The following KIAA0319L variants were observed in gnomAD, a reference collection of about 807,000 sequenced individuals.
KIAA0319L encodes KIAA0319 like, also known as dyslexia-associated protein KIAA0319-like protein.
KIAA0319L carries 55 observed loss-of-function variants against 120.1 expected under a neutral mutation model. That is an observed-to-expected ratio of 0.46 (90% CI 0.37 to 0.57). The LOEUF (loss-of-function observed/expected upper bound fraction) is 0.57. KIAA0319L is among the 20% of genes least tolerant of loss of function. KIAA0319L has a pLI of 0.00. For missense variants in KIAA0319L, 1,049 were observed against 1,255.3 expected, an observed-to-expected ratio of 0.84 and a Z score of 2.48; for synonymous variants, 398 against 471.9, an observed-to-expected ratio of 0.84 and a Z score of 2.03.
intron 2 of KIAA0319L, among the ~76,000 whole-genome samples, chr1:35,544,368 C>CA (rs748228266): frequency 0.058 from 3,036 of 52,520 alleles, 141 homozygotes; most frequent in African/African-American, 0.15. Flanking sequence ...GACTCAATCT[C>CA]AAAAAAAAAA....
chr1:35,510,207 CCTA>C (rs1414793324), intron 2 of KIAA0319L: 1 of 152,154 alleles, frequency 6.6e-6, no homozygotes, highest in East Asian at 1.9e-4. Context: ...AGCAGACTAT[CCTA>C]CTATCACCCC....
intron 3 of KIAA0319L, among the ~76,000 whole-genome samples, chr1:35,500,284 A>G (rs557123623): frequency 6.6e-6 from 1 of 152,354 alleles, no homozygotes; most frequent in East Asian, 1.9e-4. Flanking sequence ...CTTATAATGT[A>G]CACAATTAAT....
intron 6 of KIAA0319L, among the ~76,000 whole-genome samples, chr1:35,470,511 A>G (rs533965266): frequency 0.03 from 4,574 of 150,968 alleles, 106 homozygotes; most frequent in Non-Finnish European, 0.047. Context: ...AAAAAAAAAA[A>G]AAAGAAAAAA....
intron 6 of KIAA0319L, among the ~76,000 whole-genome samples, chr1:35,468,143 GTTTT>G (rs754901877): frequency 6.8e-6 from 1 of 147,424 alleles, no homozygotes; most frequent in Admixed American, 6.8e-5. Flanking sequence ...CCAGGCAAAT[GTTTT>G]TTTTTTTCTT....
At chr1:35,544,992 C>A (rs1646928599) in intron 2 of KIAA0319L, among the ~76,000 whole-genome samples, 1 of 152,108 alleles carries the variant, frequency 6.6e-6, no homozygotes, top group South Asian at 2.1e-4. Context: ...ATGGGTCTCA[C>A]TGAGCCCAGG....
At chr1:35,503,784 T>G (rs1189216425) in intron 3 of KIAA0319L, among the ~76,000 whole-genome samples, 1 of 152,084 alleles carries the variant, frequency 6.6e-6, no homozygotes, top group Non-Finnish European at 1.5e-5. Context: ...CAAGACCAAC[T>G]ACTCCTCTTC....
At chr1:35,555,975 C>T (rs576369008) in intron 1 of KIAA0319L, among the ~76,000 whole-genome samples, 1 of 152,312 alleles carries the variant, frequency 6.6e-6, no homozygotes, top group East Asian at 1.9e-4. Flanking sequence ...CCAGTCATTC[C>T]TCTGAAACCT....
intron 3 of KIAA0319L, among the ~76,000 whole-genome samples, chr1:35,492,253 C>T (rs1203131): frequency 0.23 from 35,003 of 151,992 alleles, 8,590 homozygotes; most frequent in African/African-American, 0.58. Flanking sequence ...CGGAGGCTCA[C>T]GTCTGTAATC....
intron 2 of KIAA0319L, among the ~76,000 whole-genome samples, chr1:35,528,469 T>A (rs1646237954): frequency 6.6e-6 from 1 of 152,230 alleles, no homozygotes; most frequent in African/African-American, 2.4e-5. Context: ...TTTTATTCAA[T>A]TGTGGTCTGA....
intron 2 of KIAA0319L, among the ~76,000 whole-genome samples, chr1:35,546,135 A>C (rs745614587): frequency 7.2e-5 from 11 of 152,136 alleles, no homozygotes; most frequent in African/African-American, 1.4e-4. Context: ...CACAGGTTAC[A>C]AGTGAGGAAT....
chr1:35,483,097 C>CTA (rs1177186171), intron 3 of KIAA0319L, among the ~76,000 whole-genome samples: 1 of 152,128 alleles, frequency 6.6e-6, no homozygotes, highest in Admixed American at 6.5e-5. Flanking sequence ...AAATGGGTTA[C>CTA]TAGTTTTCTA....
intron 3 of KIAA0319L, among the ~76,000 whole-genome samples, chr1:35,494,263 A>C (rs1412912327): frequency 1.3e-5 from 2 of 152,008 alleles, no homozygotes; most frequent in Admixed American, 1.3e-4. Flanking sequence ...CCTGGCCAAC[A>C]TAATGAAACC....
At chr1:35,462,572 G>A in intron 8 of KIAA0319L, 49 bp downstream of exon 8, 1 of 1,433,382 alleles carries the variant, frequency 7.0e-7, no homozygotes, top group East Asian at 2.3e-5. Flanking sequence ...TTCTATCAGA[G>A]TACACGGTGA....
chr1:35,456,840 GA>G, intron 9 of KIAA0319L, among the ~76,000 whole-genome samples: 1 of 139,468 alleles, frequency 7.2e-6, no homozygotes, highest in African/African-American at 2.6e-5. Context: ...AGGAAGGAAG[GA>G]AGGAGAGATG....
intron 8 of KIAA0319L, among the ~76,000 whole-genome samples, chr1:35,461,751 A>T (rs147207914): frequency 1.1e-3 from 175 of 152,254 alleles, no homozygotes; most frequent in African/African-American, 3.1e-3. Context: ...AAACAGTACA[A>T]CGTGAGCCCT....
In KIAA0319L at chr1:35,471,317, CATTTTCTTGCA is replaced by C. The variant is rs371305047; in HGVS notation, c.1016-368_1016-358del. 1.3e-3 allele frequency among the ~76,000 whole-genome samples: 205 copies of C among 152,278 alleles called. 3 individuals are homozygous for C. In the South Asian group the frequency reaches 0.014, roughly 10 times the overall value. On this transcript the variant is annotated intron_variant, in intron 5 of 20. Coordinates refer to ENST00000325722, the MANE Select transcript of KIAA0319L (RefSeq NM_024874.5). ...AGATGAACTCATTGGGAACAAAGGCCATTTTCTTGCAAAACTTCTTTTGCAACAAAGAACAG... is the reference window on the plus strand; with the variant it reads ...AGATGAACTCATTGGGAACAAAGGCCAAACTTCTTTTGCAACAAAGAACAG...
chr1:35,435,682 C>G (rs1640730518), intron 20 of KIAA0319L: 3 of 152,242 alleles, frequency 2.0e-5, no homozygotes, highest in Admixed American at 2.0e-4. Flanking sequence ...AGAAGCAGTC[C>G]CAAGCAGCCA....
chr1:35,532,095 T>C (rs1199712018), intron 2 of KIAA0319L, among the ~76,000 whole-genome samples: 1 of 151,768 alleles, frequency 6.6e-6, no homozygotes, highest in Non-Finnish European at 1.5e-5. Context: ...ACCCCAACTC[T>C]AAAAAAATAC....
Position 35,441,055 on chromosome 1 carries a change from G to A in KIAA0319L, c.2954C>T (p.Ser985Phe), listed in dbSNP as rs1485023802. The change falls in exon 20 of 21, where the codon TCC (serine) becomes TTC (phenylalanine). Residue 985 changes from serine (S) to phenylalanine (F), a missense_variant. Transcript: ENST00000325722. ...DQESLELKPT[S>F]RAGIKQKGLL... The stretch of plus-strand genomic sequence containing the variant: ...GCACCCAGGGCCCCTACCTGCTCGG[G>A]AGGTTGGCTTCAGCTCCAGGCTTTC... 1.2e-6 allele frequency: 2 copies of A among 1,613,856 alleles called. No individual in the cohort carries two copies. The highest frequency in any genetic ancestry group is 2.2e-5 in the East Asian group (1 of 44,882).
Sources: gnomAD v4.1 joint callset for allele counts (sites outside exome capture counted in the v4.1 genomes callset) on GRCh38, gnomAD v4.1.1 for gene constraint, MANE v1.5 for transcripts, NCBI Gene and HGNC (gene_info 2026-07-23, HGNC 2026-07-21) for gene names.